The following CDH3 variants were observed in gnomAD, a reference collection of about 807,000 sequenced individuals.
CDH3 encodes cadherin-3.
In CDH3, 54 loss-of-function variants were observed where a neutral mutation model predicts 82.0. The ratio of observed to expected loss-of-function variants is 0.66; its 90% CI spans 0.53 to 0.83. CDH3 has a LOEUF of 0.83. CDH3 is among the 40% of genes least tolerant of loss of function. The pLI is 0.00. For synonymous variants in CDH3, 446 were observed against 437.9 expected, an observed-to-expected ratio of 1.02 and a Z score of -0.23; for missense variants, 1,054 against 1,084.6, an observed-to-expected ratio of 0.97 and a Z score of 0.40.
At chr16:68,658,151 C>T (rs1409312928) in intron 2 of CDH3, among the ~76,000 whole-genome samples, 1 of 151,016 alleles carries the variant, frequency 6.6e-6, no homozygotes, top group African/African-American at 2.4e-5. Context: ...CCACCCGCCT[C>T]AGCACCCCAA....
At chr16:68,666,570 G>A (rs1960739607) in intron 2 of CDH3, among the ~76,000 whole-genome samples, 1 of 152,104 alleles carries the variant, frequency 6.6e-6, no homozygotes, top group South Asian at 2.1e-4. Context: ...TCCTCAAAAC[G>A]GGTCTGGCTC....
At chr16:68,665,941 T>C (rs1960722414) in intron 2 of CDH3, among the ~76,000 whole-genome samples, 1 of 152,100 alleles carries the variant, frequency 6.6e-6, no homozygotes, top group East Asian at 1.9e-4. Flanking sequence ...TGATTGAAAA[T>C]CAAATACATG....
At chr16:68,651,124 G>C (rs1026501527) in intron 2 of CDH3, 7 of 445,550 alleles carry the variant, frequency 1.6e-5, no homozygotes, top group Non-Finnish European at 1.8e-5. Context: ...GTTGGCCACT[G>C]GGCCTTGTGG....
chr16:68,715,151 C>T (rs1003482230), intron 1 of CDH3, among the ~76,000 whole-genome samples: 9 of 141,794 alleles, frequency 6.3e-5, no homozygotes, highest in African/African-American at 2.2e-4. Flanking sequence ...TGAGGCCGGG[C>T]GCCATGACTC....
Position 68,667,472 on chromosome 16 carries a change from A to G in CDH3, c.161-8913A>G, listed in dbSNP as rs148503924. ...CTTGATGGACATTTTGTCTACGGAA[A>G]GATGGGTGGTTTTATTTTGCCAGAA... On this transcript the variant is annotated intron_variant, in intron 2 of 15. Coordinates refer to ENST00000264012, the MANE Select transcript of CDH3 (RefSeq NM_001793.6). Among the ~76,000 whole-genome samples the G allele has an allele frequency of 8.8e-3, 1,338 of 152,358 alleles. 18 individuals carry two copies. Among genetic ancestry groups the G allele is most frequent in the African/African-American group, 0.03 (1,259 of 41,580 alleles).
At chr16:68,732,278 T>C (rs1962300854), downstream of CDH3, among the ~76,000 whole-genome samples, 2 of 152,120 alleles carry the variant, frequency 1.3e-5, no homozygotes, top group Non-Finnish European at 2.9e-5. Flanking sequence ...TGGGGATTCC[T>C]CCCCAGTGGG....
rs1961105312 is a variant in CDH3 at position 68,678,591 on chromosome 16, G to C, written c.481G>C (p.Glu161Gln). The change falls in exon 5 of 16, where the codon GAG becomes CAG. Residue 161 changes from glutamate to glutamine, a missense_variant. Transcript: ENST00000264012. ...DSPPEGVFAV[E>Q]KETGWLLLNK... The stretch of plus-strand genomic sequence containing the variant: ...CCCCCCTGAGGGTGTCTTCGCTGTA[G>C]AGAAGGAGACAGGCTGGTTGTTGTT... 1 of 1,614,238 alleles carries C rather than the reference G, an allele frequency of 6.2e-7. No individual in the cohort carries two copies. The highest frequency in any genetic ancestry group is 1.7e-5 in the Admixed American group (1 of 60,034).
At chr16:68,660,386 T>C (rs1567439956) in intron 2 of CDH3, among the ~76,000 whole-genome samples, 2 of 152,230 alleles carry the variant, frequency 1.3e-5, no homozygotes. Flanking sequence ...ACCACATTCA[T>C]TCACACTAGC....
chr16:68,666,214 C>T (rs1420703344), intron 2 of CDH3, among the ~76,000 whole-genome samples: 3 of 151,826 alleles, frequency 2.0e-5, no homozygotes, highest in Admixed American at 1.3e-4. Flanking sequence ...CCTCACACAC[C>T]CCGTCAGCCC....
chr16:68,669,616 C>CGGGGGGGGGGGGG (rs10590233), intron 2 of CDH3, among the ~76,000 whole-genome samples: 1 of 125,530 alleles, frequency 8.0e-6, no homozygotes, highest in African/African-American at 2.8e-5. Flanking sequence ...GGTGGGGTGG[C>CGGGGGGGGGGGGG]GGGGGGGGTG....
chr16:68,676,847 A>G (rs1318935203), intron 3 of CDH3, among the ~76,000 whole-genome samples: 1 of 152,228 alleles, frequency 6.6e-6, no homozygotes, highest in African/African-American at 2.4e-5. Flanking sequence ...GCCTCCAGGA[A>G]GATACATCTG....
intron 1 of CDH3, among the ~76,000 whole-genome samples, chr16:68,721,077 C>T (rs1962157994): frequency 6.6e-6 from 1 of 152,030 alleles, no homozygotes; most frequent in Admixed American, 6.6e-5. Context: ...GTCAACATAG[C>T]CCAGTATCCC....
chr16:68,685,426 CCT>C, intron 11 of CDH3, 76 bp downstream of exon 11: 2 of 1,497,080 alleles, frequency 1.3e-6, no homozygotes, highest in Non-Finnish European at 1.9e-6. Flanking sequence ...CAGCATGTTT[CCT>C]CCACAGGTGG....
At chr16:68,674,843 A>C (rs1052837063) in intron 2 of CDH3, among the ~76,000 whole-genome samples, 8 of 152,290 alleles carry the variant, frequency 5.3e-5, no homozygotes, top group South Asian at 4.2e-4. Context: ...GGCCGGATGC[A>C]GTGGCTCACG....
At position 68,695,805 on chromosome 16, in the gene CDH3, G is replaced by GCCTGGAC; in HGVS notation, c.2162_2163insCCTGGAC (p.Glu723AspfsTer13). 6 of 1,614,180 alleles carry GCCTGGAC rather than the reference G, an allele frequency of 3.7e-6. No homozygotes were observed. The highest frequency in any genetic ancestry group is 5.1e-6 in the Non-Finnish European group (6 of 1,180,040). On this transcript the variant is annotated frameshift_variant, in exon 15 of 16. Transcript: ENST00000264012. LOFTEE classifies it high-confidence loss of function. ...TATGACATCACCCAGCTCCACCGAG[G>GCCTGGAC]TCTGGAGGCCAGGCCGGAGGTGGTT...
intron 8 of CDH3, 107 bp downstream of exon 8, chr16:68,681,203 C>T (rs1961219782): frequency 8.0e-7 from 1 of 1,247,188 alleles, no homozygotes; most frequent in Non-Finnish European, 1.2e-6. Context: ...CCAGTCTCAG[C>T]ACTATGGCTG....
At chr16:68,681,904 A>G (rs1961240038) in intron 8 of CDH3, among the ~76,000 whole-genome samples, 1 of 152,214 alleles carries the variant, frequency 6.6e-6, no homozygotes, top group African/African-American at 2.4e-5. Flanking sequence ...TCTTTGTCAC[A>G]TGTCCCAGAA....
chr16:68,661,641 G>A (rs1253654804), intron 2 of CDH3, among the ~76,000 whole-genome samples: 1 of 152,204 alleles, frequency 6.6e-6, no homozygotes, highest in Non-Finnish European at 1.5e-5. Context: ...GAGACAGTGA[G>A]AAGCAAATTC....
At chr16:68,696,082 G>A in intron 15 of CDH3, 159 bp downstream of exon 15, 1 of 784,194 alleles carries the variant, frequency 1.3e-6, no homozygotes, top group Admixed American at 2.0e-5. Flanking sequence ...TAACTTCTGG[G>A]GTTTGTTTCT....
Sources: gnomAD v4.1 joint callset for allele counts (sites outside exome capture counted in the v4.1 genomes callset) on GRCh38, gnomAD v4.1.1 for gene constraint, MANE v1.5 for transcripts, NCBI Gene and HGNC (gene_info 2026-07-23, HGNC 2026-07-21) for gene names.